The following INSR variants were observed in gnomAD, a reference collection of about 807,000 sequenced individuals.
INSR encodes insulin receptor.
INSR carries 67 observed loss-of-function variants against 142.6 expected under a neutral mutation model. The observed-to-expected ratio is 0.47, with a 90% CI of 0.39 to 0.58. INSR has a LOEUF of 0.58. Ranked by LOEUF, INSR falls within the 20% of genes least tolerant of loss-of-function variation. The pLI is 0.00. For synonymous variants in INSR, 756 were observed against 743.1 expected, an observed-to-expected ratio of 1.02 and a Z score of -0.28; for missense variants, 1,248 against 1,833.2, an observed-to-expected ratio of 0.68 and a Z score of 5.83.
intron 2 of INSR, among the ~76,000 whole-genome samples, chr19:7,255,658 G>T (rs573122989): frequency 6.6e-6 from 1 of 151,530 alleles, no homozygotes; most frequent in Admixed American, 6.6e-5. Flanking sequence ...GCTCATTGCA[G>T]CCTCAAAGTC....
At chr19:7,292,013 G>A (rs1250595641) in intron 1 of INSR, among the ~76,000 whole-genome samples, 1 of 150,904 alleles carries the variant, frequency 6.6e-6, no homozygotes, top group Non-Finnish European at 1.5e-5. Flanking sequence ...CAGGATGGTC[G>A]TGATCTCCTG....
intron 2 of INSR, among the ~76,000 whole-genome samples, chr19:7,247,946 C>G (rs941854207): frequency 2.8e-4 from 43 of 152,190 alleles, no homozygotes; most frequent in African/African-American, 1.0e-3. Flanking sequence ...GCTGGCAGAG[C>G]TACCTTAGTG....
chr19:7,150,622 G>T lies in INSR; in HGVS notation c.2232-90C>A. On this transcript the variant is annotated intron_variant, in intron 10 of 21. Transcript: ENST00000302850. The surrounding 1 kb of genome is among the most constrained non-coding windows in gnomAD (Gnocchi z 4.2). ...TGACACTTGGAGGCCACATGTGTCC[G>T]AGTAAGGGCACCCTGGCTTTGACCC... 2 of 1,246,110 alleles carry T rather than the reference G, an allele frequency of 1.6e-6. No homozygotes were observed. The highest frequency in any genetic ancestry group is 1.2e-5 in the South Asian group (1 of 81,762). 77.2% of individuals were successfully genotyped at this position (1,246,110 alleles called of 1,614,324 possible). A position where few individuals can be genotyped will look rare whatever the true frequency, so the allele number is the denominator to read the frequency against.
Position 7,172,367 on chromosome 19 carries a change from G to A in INSR, c.1191C>T (p.Ile397=), listed in dbSNP as rs56135071. The A allele has an allele frequency of 8.1e-5, 131 of 1,614,094 alleles. 1 individual carries two copies. In the East Asian group the frequency reaches 1.9e-3, roughly 24 times the overall value. Residue 397 remains isoleucine (I), a synonymous_variant, in exon 5 of 22, where the codon ATC becomes ATT. Coordinates refer to ENST00000302850, the MANE Select transcript of INSR (RefSeq NM_000208.4). The stretch of plus-strand genomic sequence containing the variant: ...GTGACACCAGAGCGTAGGATCGGCG[G>A]ATTTTTAGATACCCTGAAATTTCTT... ...LIEEISGYLK[I]RRSYALVSLS... is the part of the protein sequence containing the mutation.
At chr19:7,280,739 A>C (rs530794948) in intron 1 of INSR, among the ~76,000 whole-genome samples, 2 of 151,382 alleles carry the variant, frequency 1.3e-5, no homozygotes, top group South Asian at 4.2e-4. Flanking sequence ...CAAAAAACCC[A>C]AAAATTAGTC....
intron 3 of INSR, among the ~76,000 whole-genome samples, chr19:7,181,560 CTT>C (rs369084103): frequency 0.08 from 10,950 of 136,882 alleles, 524 homozygotes; most frequent in African/African-American, 0.15. Flanking sequence ...ATGGTGAGAC[CTT>C]TTTTTTTTTT....
At chr19:7,215,232 A>G (rs1975397718) in intron 2 of INSR, among the ~76,000 whole-genome samples, 1 of 152,208 alleles carries the variant, frequency 6.6e-6, no homozygotes, top group African/African-American at 2.4e-5. Flanking sequence ...AGCACCAGCC[A>G]GTTCAGACAC....
chr19:7,251,107 T>C (rs956556161), intron 2 of INSR, among the ~76,000 whole-genome samples: 1 of 151,976 alleles, frequency 6.6e-6, no homozygotes. Flanking sequence ...CTGGCCTCCA[T>C]CTGCTCAATG....
intron 2 of INSR, among the ~76,000 whole-genome samples, chr19:7,226,656 A>T (rs1975794108): frequency 6.7e-6 from 1 of 149,792 alleles, no homozygotes; most frequent in Non-Finnish European, 1.5e-5. Flanking sequence ...TGAGCCCAAG[A>T]GGTCAAGGCT....
intron 1 of INSR, 80 bp downstream of exon 1, chr19:7,293,712 G>T: frequency 8.5e-7 from 1 of 1,179,280 alleles, no homozygotes; most frequent in Non-Finnish European, 1.1e-6. Flanking sequence ...CAGTCCACAA[G>T]CGGGGGCTCG....
At chr19:7,245,602 CCA>C (rs1976516785) in intron 2 of INSR, among the ~76,000 whole-genome samples, 1 of 152,128 alleles carries the variant, frequency 6.6e-6, no homozygotes, top group Admixed American at 6.6e-5. Context: ...GCATGTGCCA[CCA>C]TGCCCGGCTA....
rs1038221753 is a variant in INSR at position 7,291,739 on chromosome 19, GA to G, written c.100+2052del. 2.5e-3 allele frequency among the ~76,000 whole-genome samples: 375 copies of G among 152,230 alleles called. 1 individual carries two copies. Among genetic ancestry groups the G allele is most frequent in the African/African-American group, 8.5e-3 (354 of 41,542 alleles). ...AAGCTACAAGGAACAGAAGAACAGG[GA>G]ACCACACACACGCACACATAGAATC... On this transcript the variant is annotated intron_variant, in intron 1 of 21. Coordinates refer to ENST00000302850, the MANE Select transcript of INSR (RefSeq NM_000208.4).
chr19:7,269,530 C>G (rs1967852559), intron 1 of INSR, among the ~76,000 whole-genome samples: 1 of 152,036 alleles, frequency 6.6e-6, no homozygotes, highest in South Asian at 2.1e-4. Context: ...AGCAGGAACC[C>G]TGCAGGGACC....
At chr19:7,122,169 T>C (rs1028758024) in intron 19 of INSR, among the ~76,000 whole-genome samples, 1 of 138,752 alleles carries the variant, frequency 7.2e-6, no homozygotes, top group Non-Finnish European at 1.5e-5. Context: ...AAAAAGCCGG[T>C]GCAGTGGCTC....
At chr19:7,226,430 A>C (rs1975785553) in intron 2 of INSR, among the ~76,000 whole-genome samples, 1 of 150,094 alleles carries the variant, frequency 6.7e-6, no homozygotes, top group African/African-American at 2.5e-5. Flanking sequence ...AAAAAAAAAA[A>C]AAACAACTCT....
At chr19:7,255,505 C>CTTTTT (rs55764352) in intron 2 of INSR, among the ~76,000 whole-genome samples, 3 of 135,090 alleles carry the variant, frequency 2.2e-5, no homozygotes, top group African/African-American at 2.7e-5. Context: ...CCTGTCTTTT[C>CTTTTT]TTTTTTTTTT....
chr19:7,122,472 A>G (rs1972516248), intron 19 of INSR, 142 bp downstream of exon 19: 1 of 930,726 alleles, frequency 1.1e-6, no homozygotes, highest in Non-Finnish European at 1.6e-6. Flanking sequence ...AAACAAAACA[A>G]AAAAAACCCC....
chr19:7,149,791 T>C (rs1024393752), intron 11 of INSR, among the ~76,000 whole-genome samples: 20 of 146,602 alleles, frequency 1.4e-4, no homozygotes, highest in Non-Finnish European at 2.8e-4. Context: ...CACTGCACTC[T>C]AGCCTGGGCA....
intron 10 of INSR, chr19:7,151,905 T>A (rs1052944303): frequency 6.6e-5 from 10 of 152,194 alleles, no homozygotes; most frequent in Middle Eastern, 3.4e-3. Flanking sequence ...TGATCCTTCT[T>A]TCTCAGCCTC....
Sources: gnomAD v4.1 joint callset for allele counts (sites outside exome capture counted in the v4.1 genomes callset) on GRCh38, gnomAD v4.1.1 for gene constraint, Gnocchi (gnomAD v3.1) non-coding constraint, MANE v1.5 for transcripts, NCBI Gene and HGNC (gene_info 2026-07-23, HGNC 2026-07-21) for gene names.